The following PNLIP variants were observed in gnomAD, a reference collection of about 807,000 sequenced individuals.
The protein encoded by PNLIP is pancreatic triacylglycerol lipase.
PNLIP carries 49 observed loss-of-function variants against 57.1 expected under a neutral mutation model. The ratio of observed to expected loss-of-function variants is 0.86; its 90% CI spans 0.68 to 1.09. The LOEUF is 1.09. PNLIP is among the 50% of genes least tolerant of loss of function. PNLIP has a pLI of 0.00. For missense variants in PNLIP, 503 were observed against 570.2 expected, an observed-to-expected ratio of 0.88 and a Z score of 1.20; for synonymous variants, 209 against 200.4, an observed-to-expected ratio of 1.04 and a Z score of -0.36.
intron 2 of PNLIP, among the ~76,000 whole-genome samples, chr10:116,546,388 T>C (rs1420478147): frequency 6.6e-6 from 1 of 152,250 alleles, no homozygotes; most frequent in Admixed American, 6.5e-5. Flanking sequence ...GACATATCTA[T>C]ACTAAAACAT....
rs751244264 is a variant in PNLIP, at chr10:116,547,460, C to G, written c.201+12C>G. Reference sequence around the variant, plus strand: ...CAAACAACTTTCAAGTAAGAACTATCACTGTGTTTAGAACTAAGTTCTTTG... The same window carrying G: ...CAAACAACTTTCAAGTAAGAACTATGACTGTGTTTAGAACTAAGTTCTTTG... On this transcript the variant is annotated intron_variant, in intron 3 of 12. Transcript: ENST00000369221. 3.7e-6 allele frequency: 6 copies of G among 1,608,198 alleles called. No individual in the cohort carries two copies. Among genetic ancestry groups the G allele is most frequent in the South Asian group, 1.1e-5 (1 of 90,066 alleles).
chr10:116,551,290 CAAAAAAA>C, intron 5 of PNLIP, 58 bp downstream of exon 5: 2 of 543,518 alleles, frequency 3.7e-6, no homozygotes, highest in East Asian at 4.6e-5. Flanking sequence ...ATTATCTTTC[CAAAAAAA>C]AAAAAAAAAG....
At chr10:116,546,259 A>G (rs754938800) in intron 2 of PNLIP, 121 bp downstream of exon 2, 157 of 824,402 alleles carry the variant, frequency 1.9e-4, no homozygotes, top group Middle Eastern at 2.3e-4. Flanking sequence ...GGAGTAAAGC[A>G]CAGGAGACGC....
At position 116,548,350 on chromosome 10, in the gene PNLIP, G is replaced by A. The variant is rs1265179929; in HGVS notation, c.202-10G>A. The A allele has an allele frequency of 6.2e-7, 1 of 1,613,510 alleles. No individual in the cohort carries two copies. The highest frequency in any genetic ancestry group is 1.7e-5 in the Admixed American group (1 of 59,966). On this transcript the variant is annotated splice_polypyrimidine_tract_variant and intron_variant, in intron 3 of 12. Coordinates refer to ENST00000369221, the MANE Select transcript of PNLIP (RefSeq NM_000936.4). ...GGAAACTGACATGAAACACTTTTCTGTCTAAACAGGAAGTTGCCGCAGATT... is the reference window on the plus strand; with the variant it reads ...GGAAACTGACATGAAACACTTTTCTATCTAAACAGGAAGTTGCCGCAGATT...
intron 6 of PNLIP, among the ~76,000 whole-genome samples, chr10:116,554,421 G>C (rs1847230067): frequency 6.6e-6 from 1 of 152,164 alleles, no homozygotes; most frequent in South Asian, 2.1e-4. Flanking sequence ...AGGGTGCTCT[G>C]GGCTGCCAGT....
At chr10:116,547,854 G>A (rs1449199620) in intron 3 of PNLIP, among the ~76,000 whole-genome samples, 1 of 151,694 alleles carries the variant, frequency 6.6e-6, no homozygotes, top group Non-Finnish European at 1.5e-5. Flanking sequence ...TAGATATTCA[G>A]GGCACTGAGC....
At chr10:116,553,930 G>T (rs2133202157) in intron 6 of PNLIP, 92 bp downstream of exon 6, 2 of 612,852 alleles carry the variant, frequency 3.3e-6, no homozygotes, top group East Asian at 3.1e-5. Context: ...AACATAGCGA[G>T]ACTCCTATCT....
rs1847303678 is a variant in PNLIP at position 116,560,540 on chromosome 10, T to C, written c.1169+16T>C. On this transcript the variant is annotated intron_variant, in intron 11 of 12. Coordinates refer to ENST00000369221, the MANE Select transcript of PNLIP (RefSeq NM_000936.4). ...AAATTTTCAAGTGAGTAAAATAATA[T>C]TGCTCTATGCTTTTTTTTTTTTTTT... 1 of 1,133,974 alleles carries C rather than the reference T, an allele frequency of 8.8e-7. No individual in the cohort carries two copies. The highest frequency in any genetic ancestry group is 1.6e-5 in the African/African-American group (1 of 63,160). The allele number at this position is 1,133,974 out of a possible 1,614,324, so 70.2% of individuals were successfully genotyped here.
chr10:116,547,241 G>A, intron 2 of PNLIP, 53 bp from the exon 3 acceptor site: 2 of 1,560,942 alleles, frequency 1.3e-6, no homozygotes, highest in Non-Finnish European at 1.8e-6. Context: ...TTGGCAGACA[G>A]ATCATTAAAA....
intron 9 of PNLIP, among the ~76,000 whole-genome samples, chr10:116,557,744 T>C (rs1847267837): frequency 6.6e-6 from 1 of 152,150 alleles, no homozygotes; most frequent in Non-Finnish European, 1.5e-5. Context: ...CAGTGGGAAT[T>C]GGGACACTTG....
At chr10:116,550,909 T>C (rs957148823) in intron 4 of PNLIP, among the ~76,000 whole-genome samples, 189 bp from the exon 5 acceptor site, 12 of 152,182 alleles carry the variant, frequency 7.9e-5, no homozygotes, top group African/African-American at 2.2e-4. Flanking sequence ...AAATTCCAGT[T>C]TGGAGATGAT....
In PNLIP at chr10:116,556,124, T is replaced by C. The variant is rs1353650782; in HGVS notation, c.930+6T>C. 6.6e-7 allele frequency: 1 copy of C among 1,514,420 alleles called. No homozygotes were observed. Among genetic ancestry groups the C allele is most frequent in the Middle Eastern group, 1.7e-4 (1 of 5,866 alleles). The allele number at this position is 1,514,420 out of a possible 1,614,324, so 93.8% of individuals were successfully genotyped here. ...CTTACAACGTCTTCACTGCAGTAAG[T>C]AGACTCCACCTTCCGCATAAAGAAT... On this transcript the variant is annotated splice_donor_region_variant and intron_variant, in intron 9 of 12. Coordinates refer to ENST00000369221, the MANE Select transcript of PNLIP (RefSeq NM_000936.4).
At chr10:116,557,490 G>A (rs558242094) in intron 9 of PNLIP, among the ~76,000 whole-genome samples, 2 of 152,226 alleles carry the variant, frequency 1.3e-5, no homozygotes, top group Admixed American at 1.3e-4. Context: ...TTCGACTCTG[G>A]GTAATAGCCT....
At chr10:116,546,032 T>C in intron 1 of PNLIP, 61 bp from the exon 2 acceptor site, 2 of 1,471,734 alleles carry the variant, frequency 1.4e-6, no homozygotes, top group Admixed American at 3.3e-5. Flanking sequence ...CTAAATGAAC[T>C]AAAACTTGCC....
rs980685029 is a variant in PNLIP at position 116,550,990 on chromosome 10, G to T, written c.325-108G>T. 3 of 868,380 alleles carry T rather than the reference G, an allele frequency of 3.5e-6. No homozygotes were observed. The Admixed American group carries it at 9.9e-5, about 29-fold the overall frequency. The allele number at this position is 868,380 out of a possible 1,614,324, so 53.8% of individuals were successfully genotyped here. On this transcript the variant is annotated intron_variant, in intron 4 of 12. Transcript: ENST00000369221. Reference sequence around the variant, plus strand: ...TTGTCAATTGCATTAGGGTTAAAATGACATTGTGTGGGTCAAGGAGGGAAT... The same window carrying T: ...TTGTCAATTGCATTAGGGTTAAAATTACATTGTGTGGGTCAAGGAGGGAAT...
chr10:116,565,333 C>A (rs1371970910), intron 12 of PNLIP, among the ~76,000 whole-genome samples: 1 of 149,946 alleles, frequency 6.7e-6, no homozygotes, highest in African/African-American at 2.4e-5. Context: ...ACAATAGACT[C>A]ATATCTAGCC....
intron 5 of PNLIP, 108 bp from the exon 6 acceptor site, chr10:116,553,619 C>T: frequency 1.4e-6 from 1 of 719,626 alleles, no homozygotes; most frequent in Non-Finnish European, 2.5e-6. Flanking sequence ...TATGATGTTC[C>T]CACAACAATG....
chr10:116,566,053 C>T (rs1308671183), intron 12 of PNLIP, among the ~76,000 whole-genome samples: 1 of 152,236 alleles, frequency 6.6e-6, no homozygotes, highest in South Asian at 2.1e-4. Context: ...AGGTGATCCA[C>T]CTGCCTTGGC....
intron 12 of PNLIP, among the ~76,000 whole-genome samples, chr10:116,563,951 A>G (rs1261285427): frequency 6.6e-6 from 1 of 152,182 alleles, no homozygotes; most frequent in East Asian, 1.9e-4. Flanking sequence ...TTTATTTGAA[A>G]TAAGACCCTT....
Sources: allele counts gnomAD v4.1 joint callset (sites outside exome capture counted in the v4.1 genomes callset), GRCh38; gene constraint gnomAD v4.1.1; transcripts MANE v1.5; gene names NCBI Gene and HGNC (gene_info 2026-07-23, HGNC 2026-07-21).